HUWE1: variants seen among roughly 807,000 people sequenced by gnomAD.
HUWE1 encodes HECT, UBA and WWE domain containing E3 ubiquitin protein ligase 1, also known as E3 ubiquitin-protein ligase HUWE1.
HUWE1 carries 18 observed loss-of-function variants against 299.4 expected under a neutral mutation model. That is an observed-to-expected ratio of 0.06 (90% CI 0.04 to 0.09). The LOEUF (loss-of-function observed/expected upper bound fraction) is 0.09, where lower values mean the gene tolerates loss of function less well. Ranked by LOEUF, HUWE1 falls within the 10% of genes least tolerant of loss-of-function variation. HUWE1 has a pLI of 1.00. For synonymous variants in HUWE1, 1,317 were observed against 1,286.1 expected (o/e 1.02, Z -0.51); for missense variants, 1,832 against 3,462.3 (o/e 0.53, Z 11.82).
In HUWE1 at chrX:53,550,625, C is replaced by T. The variant is rs782673307; in HGVS notation, c.9488+41G>A. On this transcript the variant is annotated intron_variant, in intron 66 of 83. Coordinates refer to ENST00000262854, the MANE Select transcript of HUWE1 (RefSeq NM_031407.7). ...AAACTAAGGGAGCTGGGCTAATAGA[C>T]TTGAGTGGTGATATGGTAAGGTAAA... 2.7e-6 allele frequency: 3 copies of T among 1,123,478 alleles called. No homozygotes were observed. The South Asian group carries it at 5.5e-5, about 21-fold the overall frequency. 92.6% of individuals were successfully genotyped at this position (1,123,478 alleles called of 1,213,427 possible).
chrX:53,589,805 G>A lies in HUWE1; in HGVS notation c.4203C>T (p.Cys1401=). 8.3e-7 allele frequency: 1 copy of A among 1,207,358 alleles called. No homozygotes were observed. The highest frequency in any genetic ancestry group is 3.0e-5 in the East Asian group (1 of 33,800). The change falls in exon 36 of 84, where the codon TGC becomes TGT. Residue 1401 remains cysteine, a synonymous_variant. Transcript: ENST00000262854. ...CTTTCCGTTCCTCTTCCTCCTTCCG[G>A]CAAGCAACTTCCTGGAAGCAGGGAA... is the stretch of plus-strand genomic sequence containing the variant. ...QRAESPEEVA[C]RKEEEERKAR...
chrX:53,634,475 A>G (rs2067078146), intron 7 of HUWE1, among the ~76,000 whole-genome samples, 177 bp from the exon 8 acceptor site: 1 of 112,166 alleles, frequency 8.9e-6, no homozygotes, highest in Non-Finnish European at 1.9e-5. Flanking sequence ...AAGACATCCA[A>G]TGTGAAAGTC....
chrX:53,665,289 T>C (rs917745603), intron 3 of HUWE1, among the ~76,000 whole-genome samples: 32 of 111,853 alleles, frequency 2.9e-4, no homozygotes, highest in African/African-American at 1.0e-3. Context: ...AAAATAGCCT[T>C]TACTCACCCA....
At chrX:53,592,362 A>G in intron 33 of HUWE1, 36 bp downstream of exon 33, 1 of 1,049,910 alleles carries the variant, frequency 9.5e-7, no homozygotes, top group Non-Finnish European at 1.3e-6. Flanking sequence ...ATTGGGTGCA[A>G]AGTCTGGACC....
intron 3 of HUWE1, among the ~76,000 whole-genome samples, chrX:53,661,030 T>G (rs375479859): frequency 3.7e-5 from 4 of 108,331 alleles, no homozygotes; most frequent in African/African-American, 1.4e-4. Flanking sequence ...TAACATGCGA[T>G]TCACTTTTTT....
At chrX:53,586,681 T>G in intron 38 of HUWE1, 101 bp downstream of exon 38, 1 of 1,087,635 alleles carries the variant, frequency 9.2e-7, no homozygotes, top group Non-Finnish European at 1.3e-6. Context: ...ACTACAGAAG[T>G]ACCACAAATT....
At chrX:53,614,807 C>T in intron 22 of HUWE1, 62 bp from the exon 23 acceptor site, 2 of 804,987 alleles carry the variant, frequency 2.5e-6, no homozygotes, top group East Asian at 3.3e-5. Context: ...GAGGAGACAG[C>T]TAACATATTT....
intron 43 of HUWE1, among the ~76,000 whole-genome samples, chrX:53,578,353 T>G (rs1403406541): frequency 1.2e-5 from 1 of 81,772 alleles, no homozygotes; most frequent in African/African-American, 4.9e-5. Flanking sequence ...GGGAGGGAGG[T>G]GGGGGGGGGT....
At chrX:53,631,780 C>A in intron 9 of HUWE1, 166 bp from the exon 10 acceptor site, 1 of 456,225 alleles carries the variant, frequency 2.2e-6, no homozygotes, top group Non-Finnish European at 3.8e-6. Flanking sequence ...TCCAAAACAT[C>A]CATCTTATAT....
At chrX:53,585,297 A>T in intron 39 of HUWE1, 109 bp from the exon 40 acceptor site, 1 of 762,994 alleles carries the variant, frequency 1.3e-6, no homozygotes. Context: ...AAAGAAATAT[A>T]CTGGACAATA....
In HUWE1 at chrX:53,565,107, T is replaced by C. The variant is rs1441841648; in HGVS notation, c.6840A>G (p.Gln2280=). The change falls in exon 50 of 84, where the codon CAA becomes CAG. Residue 2280 remains glutamine, a synonymous_variant. Transcript: ENST00000262854. ...SSKNKSEQDA[Q]GASQDSSSNQ... is the part of the protein sequence containing the mutation. ...TGCTACTGGAATCTTGAGAGGCTCC[T>C]TGGGCATCCTGCTCAGACTTGTTCT... 8.3e-7 allele frequency: 1 copy of C among 1,211,824 alleles called. No homozygotes were observed. The highest frequency in any genetic ancestry group is 3.0e-5 in the East Asian group (1 of 33,864).
rs782558202 is a variant in HUWE1 at position 53,634,209 on chromosome X, A to T, written c.567+27T>A. 1.5e-5 allele frequency: 17 copies of T among 1,132,397 alleles called. 1 individual carries two copies. The African/African-American group carries it at 2.9e-4, about 19-fold the overall frequency. The allele number at this position is 1,132,397 out of a possible 1,213,427, so 93.3% of individuals were successfully genotyped here. A position where few individuals can be genotyped will look rare whatever the true frequency, so the allele number is the denominator to read the frequency against. ...AGAGAGGCCACAGCTCTGTCAAAAG[A>T]CACCCATATCCCAAAGAGTTACTTA... On this transcript the variant is annotated intron_variant, in intron 8 of 83. Coordinates refer to ENST00000262854, the MANE Select transcript of HUWE1 (RefSeq NM_031407.7).
At chrX:53,588,259 G>T in intron 37 of HUWE1, 123 bp downstream of exon 37, 1 of 663,124 alleles carries the variant, frequency 1.5e-6, no homozygotes, top group Non-Finnish European at 2.3e-6. Context: ...CAGAAACTGG[G>T]CTCATGAAAT....
At chrX:53,677,050 G>A (rs1028317273) in intron 3 of HUWE1, among the ~76,000 whole-genome samples, 2 of 107,303 alleles carry the variant, frequency 1.9e-5, no homozygotes, top group Non-Finnish European at 3.9e-5. Flanking sequence ...TCAAGTCATC[G>A]TAACATAATC....
In HUWE1 at chrX:53,562,135, C is replaced by T; in HGVS notation, c.7314G>A (p.Glu2438=). The T allele has an allele frequency of 8.4e-7, 1 of 1,197,161 alleles. No homozygotes were observed. The highest frequency in any genetic ancestry group is 2.2e-5 in the Admixed American group (1 of 45,957). Residue 2438 remains glutamate, a synonymous_variant, in exon 54 of 84, where the codon GAG becomes GAA. Coordinates refer to ENST00000262854, the MANE Select transcript of HUWE1 (RefSeq NM_031407.7). ...EDDSQDEEEE[E]EEDEEDDQED... is the part of the protein sequence containing the mutation. ...CCTGATCATCTTCCTCATCTTCCTC[C>T]TCCTCCTCCTCTTCATCCTGACTAT... is the stretch of plus-strand genomic sequence containing the variant.
intron 17 of HUWE1, among the ~76,000 whole-genome samples, chrX:53,626,592 C>T (rs782368379): frequency 1.8e-5 from 2 of 111,332 alleles, no homozygotes; most frequent in Non-Finnish European, 3.8e-5. Flanking sequence ...AGATCCGCAC[C>T]GAAACTAGTA....
Position 53,569,680 on chromosome X carries a change from T to G in HUWE1, c.6460A>C (p.Asn2154His). ...CGTCCAAGGGCTGCTTTTACTTCAT[T>G]CACTAGGGCCACCTGGGCATCTGTG... Reference protein sequence around the residue: ...SGTDAQVALVNEVKAALGRAL... With the variant: ...SGTDAQVALVHEVKAALGRAL... The change falls in exon 48 of 84, where the codon AAT becomes CAT. Residue 2154 changes from asparagine (N) to histidine (H), a missense_variant. Around this residue, in one of 15 missense-constraint regions of HUWE1, gnomAD observed 157 missense variants for 252.3 expected, o/e 0.62. Transcript: ENST00000262854. 2.5e-6 allele frequency: 3 copies of G among 1,212,112 alleles called. No individual in the cohort carries two copies. The South Asian group carries it at 5.3e-5, about 21-fold the overall frequency.
chrX:53,549,595 A>G, intron 66 of HUWE1, 90 bp from the exon 67 acceptor site: 1 of 794,435 alleles, frequency 1.3e-6, no homozygotes, highest in East Asian at 3.3e-5. Flanking sequence ...TGAGCTAGGT[A>G]TCTCCAAGGA....
intron 43 of HUWE1, among the ~76,000 whole-genome samples, chrX:53,577,849 A>G (rs1475583020): frequency 1.2e-4 from 13 of 112,695 alleles, no homozygotes; most frequent in Non-Finnish European, 9.6e-5. Context: ...GCTGGAGTGC[A>G]GTGGCGTGAT....
Sources: allele counts gnomAD v4.1 joint callset (sites outside exome capture counted in the v4.1 genomes callset), GRCh38; gene constraint gnomAD v4.1.1; regional missense constraint gnomAD v4.1.1; transcripts MANE v1.5; gene names NCBI Gene and HGNC (gene_info 2026-07-23, HGNC 2026-07-21).